Variants in EFR3A observed in about 807,000 individuals in gnomAD.
The protein encoded by EFR3A is protein EFR3 homolog A.
In EFR3A, 76 loss-of-function variants were observed where a neutral mutation model predicts 104.4. That is an observed-to-expected ratio of 0.73 (90% CI 0.60 to 0.88). The LOEUF (loss-of-function observed/expected upper bound fraction) is 0.88, where lower values mean the gene tolerates loss of function less well. Ranked by LOEUF, EFR3A falls within the 40% of genes least tolerant of loss-of-function variation. EFR3A has a pLI of 0.00. For missense variants in EFR3A, 985 were observed against 1,012.5 expected, an observed-to-expected ratio of 0.97 and a Z score of 0.37; for synonymous variants, 330 against 330.0, an observed-to-expected ratio of 1.00 and a Z score of 0.00.
chr8:131,942,843 A>G (rs1270277023), intron 2 of EFR3A, among the ~76,000 whole-genome samples: 1 of 152,040 alleles, frequency 6.6e-6, no homozygotes, highest in Non-Finnish European at 1.5e-5. Flanking sequence ...AGGCAAAGAG[A>G]TGAGTTGAGT....
At chr8:131,991,084 G>T (rs1821159315) in intron 18 of EFR3A, among the ~76,000 whole-genome samples, 1 of 152,150 alleles carries the variant, frequency 6.6e-6, no homozygotes, top group Non-Finnish European at 1.5e-5. Flanking sequence ...GTTCCACGTG[G>T]CTGGGGAAGG....
intron 1 of EFR3A, among the ~76,000 whole-genome samples, chr8:131,919,914 C>CT (rs1816921833): frequency 6.6e-6 from 1 of 151,508 alleles, no homozygotes; most frequent in African/African-American, 2.4e-5. Flanking sequence ...AACCTGAAAG[C>CT]TTCCAGTATC....
chr8:131,991,805 G>A (rs1280349555), intron 18 of EFR3A, among the ~76,000 whole-genome samples: 1 of 152,098 alleles, frequency 6.6e-6, no homozygotes, highest in Non-Finnish European at 1.5e-5. Flanking sequence ...TGGAATGTGG[G>A]TGCTAGGAAG....
intron 18 of EFR3A, among the ~76,000 whole-genome samples, chr8:131,992,378 T>C (rs1821233614): frequency 6.6e-6 from 1 of 152,190 alleles, no homozygotes; most frequent in Non-Finnish European, 1.5e-5. Context: ...GTGTCCTGTT[T>C]TGTTGCAGTT....
intron 18 of EFR3A, among the ~76,000 whole-genome samples, chr8:131,993,582 T>G (rs956474044): frequency 4.6e-5 from 7 of 151,852 alleles, no homozygotes; most frequent in African/African-American, 1.7e-4. Flanking sequence ...AATCACAGTA[T>G]ATACAGAATG....
intron 9 of EFR3A, among the ~76,000 whole-genome samples, chr8:131,969,829 T>C (rs1404508272): frequency 6.6e-6 from 1 of 152,220 alleles, no homozygotes; most frequent in East Asian, 1.9e-4. Flanking sequence ...TGCTAGGCTC[T>C]ATACGTTTGA....
chr8:131,987,940 T>C (rs1563694493), intron 18 of EFR3A, among the ~76,000 whole-genome samples: 1 of 152,160 alleles, frequency 6.6e-6, no homozygotes, highest in African/African-American at 2.4e-5. Flanking sequence ...CTTGAATATT[T>C]ATTGTTACAA....
chr8:131,984,841 A>G, intron 15 of EFR3A, 88 bp from the exon 16 acceptor site: 1 of 1,228,150 alleles, frequency 8.1e-7, no homozygotes, highest in Non-Finnish European at 1.1e-6. Context: ...AGCTTTCCAA[A>G]CTACCTGCAG....
chr8:131,937,206 A>G (rs927548320), intron 1 of EFR3A, among the ~76,000 whole-genome samples: 2 of 152,150 alleles, frequency 1.3e-5, no homozygotes, highest in Non-Finnish European at 2.9e-5. Flanking sequence ...CTTTAAAGAA[A>G]TGTTACTTCA....
intron 19 of EFR3A, among the ~76,000 whole-genome samples, chr8:131,998,277 G>A (rs915203477): frequency 2.6e-5 from 4 of 151,998 alleles, no homozygotes; most frequent in African/African-American, 9.7e-5. Flanking sequence ...TAATGGTGCA[G>A]CAGAATATCA....
intron 6 of EFR3A, 73 bp downstream of exon 6, chr8:131,954,040 A>G: frequency 1.5e-6 from 2 of 1,353,948 alleles, no homozygotes; most frequent in Non-Finnish European, 2.0e-6. Context: ...TAGGATAAGA[A>G]TGTTTTGTCT....
chr8:131,984,083 C>T (rs1189220510), intron 14 of EFR3A, 56 bp from the exon 15 acceptor site: 4 of 1,495,108 alleles, frequency 2.7e-6, no homozygotes, highest in Non-Finnish European at 3.6e-6. Flanking sequence ...CATGTGAAAT[C>T]TGCCTTTTCT....
chr8:131,943,486 C>G (rs538285490), intron 2 of EFR3A, among the ~76,000 whole-genome samples: 1 of 152,028 alleles, frequency 6.6e-6, no homozygotes, highest in South Asian at 2.1e-4. Flanking sequence ...ACTGATGGAG[C>G]CAGATCATGG....
At chr8:131,943,648 T>G (rs944552963) in intron 2 of EFR3A, among the ~76,000 whole-genome samples, 11 of 152,032 alleles carry the variant, frequency 7.2e-5, no homozygotes, top group African/African-American at 2.7e-4. Flanking sequence ...GGGGCTATTT[T>G]GTGCATTGTG....
intron 18 of EFR3A, among the ~76,000 whole-genome samples, chr8:131,988,636 T>C (rs1821017582): frequency 6.6e-6 from 1 of 152,034 alleles, no homozygotes; most frequent in African/African-American, 2.4e-5. Flanking sequence ...AGCTTTATAA[T>C]TTAAAATATT....
intron 9 of EFR3A, among the ~76,000 whole-genome samples, chr8:131,969,235 TGAAGGA>T (rs1359917346): frequency 6.6e-6 from 1 of 152,196 alleles, no homozygotes; most frequent in Non-Finnish European, 1.5e-5. Flanking sequence ...TACAGAAGTT[TGAAGGA>T]GAATCTGGTT....
chr8:131,940,493 T>TC lies in EFR3A; in HGVS notation c.11-6_11-5insC, dbSNP rs1563645371. On this transcript the variant is annotated splice_region_variant and splice_polypyrimidine_tract_variant and intron_variant, in intron 1 of 22. Transcript: ENST00000254624. ...CTGTATTTCTTGATTTTTTTTTTTT[T>TC]AACAGGAGTATGCTGCTGCTGTTCC... The TC allele has an allele frequency of 6.3e-7, 1 of 1,583,352 alleles. No homozygotes were observed. Among genetic ancestry groups the TC allele is most frequent in the Admixed American group, 1.8e-5 (1 of 56,460 alleles).
intron 22 of EFR3A, among the ~76,000 whole-genome samples, chr8:132,007,508 T>C (rs1195472145): frequency 6.6e-6 from 1 of 151,934 alleles, no homozygotes; most frequent in Non-Finnish European, 1.5e-5. Flanking sequence ...GTTCATGGAC[T>C]GAAGGATTAA....
chr8:131,961,282 G>C (rs1021689319), intron 8 of EFR3A, among the ~76,000 whole-genome samples: 1 of 151,902 alleles, frequency 6.6e-6, no homozygotes, highest in East Asian at 1.9e-4. Flanking sequence ...GGGGAAGTTC[G>C]AACCCATGGC....
Sources: gnomAD v4.1 joint callset for allele counts (sites outside exome capture counted in the v4.1 genomes callset) on GRCh38, gnomAD v4.1.1 for gene constraint, MANE v1.5 for transcripts, NCBI Gene and HGNC (gene_info 2026-07-23, HGNC 2026-07-21) for gene names.